ASB5: variants seen among roughly 807,000 people sequenced by gnomAD.
ASB5 encodes ankyrin repeat and SOCS box containing 5, also known as ankyrin repeat and SOCS box protein 5.
ASB5 carries 45 observed loss-of-function variants against 42.1 expected under a neutral mutation model. That is an observed-to-expected ratio of 1.07 (90% CI 0.84 to 1.37). ASB5 has a LOEUF of 1.37. Ranked by LOEUF, ASB5 falls within the 40% of genes most tolerant of loss-of-function variation. The probability of loss-of-function intolerance (pLI) is 0.00; values close to 1 mark genes in which losing one functional copy is unlikely to be tolerated. For missense variants in ASB5, 402 were observed against 399.8 expected (o/e 1.01, Z -0.05); for synonymous variants, 147 against 150.6 (o/e 0.98, Z 0.18).
intron 1 of ASB5, among the ~76,000 whole-genome samples, chr4:176,249,711 G>C (rs928226700): frequency 2.7e-5 from 4 of 150,358 alleles, no homozygotes; most frequent in East Asian, 3.9e-4. Flanking sequence ...GAGTGCTCCA[G>C]AGGGCTGGGG....
chr4:176,265,162 A>G (rs1320454475), intron 1 of ASB5, among the ~76,000 whole-genome samples: 2 of 152,034 alleles, frequency 1.3e-5, no homozygotes, highest in East Asian at 3.9e-4. Flanking sequence ...TTAGCATGGC[A>G]TTCAAATTCC....
chr4:176,230,914 A>G (rs1005168585), intron 1 of ASB5, among the ~76,000 whole-genome samples: 49 of 152,214 alleles, frequency 3.2e-4, no homozygotes, highest in African/African-American at 1.1e-3. Context: ...TTTAGGATAA[A>G]TTATTCAGTG....
intron 2 of ASB5, among the ~76,000 whole-genome samples, chr4:176,222,659 T>A (rs1319868404): frequency 6.6e-6 from 1 of 152,224 alleles, no homozygotes; most frequent in Admixed American, 6.5e-5. Flanking sequence ...AGTATTTGGT[T>A]CAATAGATTC....
rs1395103855 is a variant in ASB5, at chr4:176,241,325, G to A, written c.197-15984C>T. On this transcript the variant is annotated intron_variant, in intron 1 of 6. Coordinates refer to ENST00000296525, the MANE Select transcript of ASB5 (RefSeq NM_080874.4). ...TGTGATAATCTTTTTATTTCTGAAC[G>A]TCATTTTAAAAGTGTAAGTTTCCCA... The A allele has an allele frequency of 4.2e-5, 29 of 682,656 alleles. No homozygotes were observed. The East Asian group carries it at 5.5e-4, about 13-fold the overall frequency. 42.3% of individuals were successfully genotyped at this position (682,656 alleles called of 1,614,324 possible). A position where few individuals can be genotyped will look rare whatever the true frequency, so the allele number is the denominator to read the frequency against.
In ASB5 at chr4:176,222,421, C is replaced by T. The variant is rs1240612709; in HGVS notation, c.277-1G>A. 6.2e-7 allele frequency: 1 copy of T among 1,608,078 alleles called. No individual in the cohort carries two copies. Among genetic ancestry groups the T allele is most frequent in the Non-Finnish European group, 8.5e-7 (1 of 1,175,168 alleles). ...AGGTTACTGCATTTACATTATAACC[C>T]TAAATGTGGCATAATTTTGAAAGGT... On this transcript the variant is annotated splice_acceptor_variant, in intron 2 of 6. Coordinates refer to ENST00000296525, the MANE Select transcript of ASB5 (RefSeq NM_080874.4). LOFTEE classifies it high-confidence loss of function.
At chr4:176,252,654 T>C (rs1284723087) in intron 1 of ASB5, among the ~76,000 whole-genome samples, 1 of 152,210 alleles carries the variant, frequency 6.6e-6, no homozygotes, top group African/African-American at 2.4e-5. Flanking sequence ...AATCCATGTC[T>C]TGCTGGGGTT....
At chr4:176,255,659 G>A (rs1253142166) in intron 1 of ASB5, among the ~76,000 whole-genome samples, 1 of 152,298 alleles carries the variant, frequency 6.6e-6, no homozygotes, top group East Asian at 1.9e-4. Flanking sequence ...GCTAAACAAT[G>A]TGTACTCATG....
Position 176,215,380 on chromosome 4 carries a change from CA to C in ASB5, c.*219del. 1 of 345,408 alleles carries C rather than the reference CA, an allele frequency of 2.9e-6. No homozygotes were observed. The highest frequency in any genetic ancestry group is 5.1e-6 in the Non-Finnish European group (1 of 197,576). The allele number at this position is 345,408 out of a possible 1,614,324, so 21.4% of individuals were successfully genotyped here. A position where few individuals can be genotyped will look rare whatever the true frequency, so the allele number is the denominator to read the frequency against. ...TAAACAGGAGGGTATATTGAAATAA[CA>C]AAAAATAGATATTATAAATATGCTA... On this transcript the variant is annotated 3_prime_UTR_variant, in exon 7 of 7. Transcript: ENST00000296525.
At chr4:176,271,956 C>A (rs1754476002), upstream of ASB5, among the ~76,000 whole-genome samples, 2 of 152,184 alleles carry the variant, frequency 1.3e-5, no homozygotes, top group South Asian at 4.1e-4. Context: ...CACAGATTCA[C>A]AGACACATAC....
At chr4:176,231,752 T>G (rs1241770029) in intron 1 of ASB5, among the ~76,000 whole-genome samples, 1 of 151,782 alleles carries the variant, frequency 6.6e-6, no homozygotes, top group Non-Finnish European at 1.5e-5. Context: ...AGTCCTGAGA[T>G]GAGAAGATCG....
At chr4:176,241,269 CT>C (rs1753805952) in intron 1 of ASB5, among the ~76,000 whole-genome samples, 1 of 152,108 alleles carries the variant, frequency 6.6e-6, no homozygotes, top group South Asian at 2.1e-4. Context: ...GTTGATATAA[CT>C]TTTAAGTCCT....
At chr4:176,243,099 A>G (rs1412765822) in intron 1 of ASB5, among the ~76,000 whole-genome samples, 1 of 152,210 alleles carries the variant, frequency 6.6e-6, no homozygotes, top group African/African-American at 2.4e-5. Flanking sequence ...CCAGGAGACT[A>G]AAATATTTAC....
intron 1 of ASB5, among the ~76,000 whole-genome samples, chr4:176,226,798 G>GT (rs1255955520): frequency 6.6e-6 from 1 of 152,092 alleles, no homozygotes; most frequent in Non-Finnish European, 1.5e-5. Flanking sequence ...ATTTCCTGTG[G>GT]TCCCCCCACC....
At chr4:176,224,221 A>ATTTTTTTTT (rs869080360) in intron 2 of ASB5, among the ~76,000 whole-genome samples, 14 of 87,232 alleles carry the variant, frequency 1.6e-4, no homozygotes, top group East Asian at 4.6e-4. Context: ...TGTGCATTTG[A>ATTTTTTTTT]TTTTTTTTTT....
At chr4:176,231,646 G>T (rs1431812377) in intron 1 of ASB5, among the ~76,000 whole-genome samples, 1 of 115,220 alleles carries the variant, frequency 8.7e-6, no homozygotes, top group Non-Finnish European at 1.7e-5. Context: ...AACATAGTGA[G>T]AACTTGTCTC....
chr4:176,238,699 A>G (rs1431267394), intron 1 of ASB5, among the ~76,000 whole-genome samples: 1 of 152,094 alleles, frequency 6.6e-6, no homozygotes, highest in African/African-American at 2.4e-5. Flanking sequence ...GCTAGTATAT[A>G]AAAGGAAAAA....
chr4:176,237,770 TCGTTAAAAGA>T (rs1187655566), intron 1 of ASB5, among the ~76,000 whole-genome samples: 2 of 152,220 alleles, frequency 1.3e-5, no homozygotes, highest in Non-Finnish European at 2.9e-5. Flanking sequence ...ATGAGCTCTA[TCGTTAAAAGA>T]TAAAAGCCTA....
intron 1 of ASB5, among the ~76,000 whole-genome samples, chr4:176,233,855 G>A (rs1453216838): frequency 6.6e-6 from 1 of 152,040 alleles, no homozygotes; most frequent in Non-Finnish European, 1.5e-5. Flanking sequence ...AACTTAACAT[G>A]TCCCAAACCG....
chr4:176,249,867 C>T (rs905333933), intron 1 of ASB5, among the ~76,000 whole-genome samples: 117 of 151,912 alleles, frequency 7.7e-4, no homozygotes, highest in Non-Finnish European at 1.4e-3. Flanking sequence ...AGATGGAGAC[C>T]ATCCTGGCTA....
Sources: allele counts gnomAD v4.1 joint callset (sites outside exome capture counted in the v4.1 genomes callset), GRCh38; gene constraint gnomAD v4.1.1; transcripts MANE v1.5; gene names NCBI Gene and HGNC (gene_info 2026-07-23, HGNC 2026-07-21).